The following VRK2 variants were observed in gnomAD, a reference collection of about 807,000 sequenced individuals.
VRK2 encodes the protein VRK serine/threonine kinase 2.
VRK2 carries 60 observed loss-of-function variants against 57.6 expected under a neutral mutation model. That is an observed-to-expected ratio of 1.04 (90% CI 0.85 to 1.29). VRK2 has a LOEUF of 1.29. Ranked by LOEUF, VRK2 falls within the 50% of genes most tolerant of loss-of-function variation. VRK2 has a pLI of 0.00. For missense variants in VRK2, 705 were observed against 588.1 expected, an observed-to-expected ratio of 1.20 and a Z score of -2.06; for synonymous variants, 231 against 199.2, an observed-to-expected ratio of 1.16 and a Z score of -1.35.
Position 58,112,000 on chromosome 2 carries a change from G to A in VRK2, c.544-11101G>A, listed in dbSNP as rs1335432100. Among the ~76,000 whole-genome samples the A allele has an allele frequency of 2.6e-5, 4 of 152,010 alleles. No individual in the cohort carries two copies. In the East Asian group the frequency reaches 7.7e-4, roughly 29 times the overall value. On this transcript the variant is annotated intron_variant, in intron 7 of 12. Coordinates refer to ENST00000340157, the MANE Select transcript of VRK2 (RefSeq NM_006296.7). ...TGTAAAAATTATTCTTAGCTTTAGG[G>A]TGTATAAAAATAGGACCTAGACTGT...
chr2:58,031,030 C>T (rs1241910813), intron 2 of VRK2, among the ~76,000 whole-genome samples: 1 of 152,034 alleles, frequency 6.6e-6, no homozygotes, highest in East Asian at 1.9e-4. Flanking sequence ...TCACTCCCAG[C>T]ATGCACACCT....
At chr2:57,982,208 G>A (rs56878245) in intron 1 of VRK2, among the ~76,000 whole-genome samples, 3,668 of 152,244 alleles carry the variant, frequency 0.024, 147 homozygotes, top group African/African-American at 0.084. Context: ...GCTGGAACCA[G>A]GCCTGCAGCT....
intron 1 of VRK2, among the ~76,000 whole-genome samples, chr2:58,001,992 GATTACAA>G (rs1356075025): frequency 6.6e-6 from 1 of 152,038 alleles, no homozygotes; most frequent in East Asian, 1.9e-4. Context: ...AATTCTGTCA[GATTACAA>G]ATTACAAAGA....
chr2:58,026,536 T>G (rs971982591), intron 2 of VRK2, among the ~76,000 whole-genome samples: 1 of 152,268 alleles, frequency 6.6e-6, no homozygotes, highest in South Asian at 2.1e-4. Context: ...CGTGTCAGTA[T>G]TGGCACGTGT....
At chr2:58,006,236 G>C (rs1673238131) in intron 1 of VRK2, among the ~76,000 whole-genome samples, 1 of 152,206 alleles carries the variant, frequency 6.6e-6, no homozygotes. Flanking sequence ...TATTGGCATA[G>C]AGTCACTGAG....
chr2:58,001,147 G>A (rs1673076933), intron 1 of VRK2, among the ~76,000 whole-genome samples: 1 of 152,154 alleles, frequency 6.6e-6, no homozygotes, highest in African/African-American at 2.4e-5. Flanking sequence ...GACAGTTTTT[G>A]AACTGTAGGA....
chr2:58,048,470 G>A (rs1675204611), intron 1 of VRK2: 3 of 979,488 alleles, frequency 3.1e-6, no homozygotes, highest in African/African-American at 3.5e-5. Context: ...ATATTTCCAT[G>A]TACATGAAAT....
chr2:58,086,364 A>G lies in VRK2; in HGVS notation c.282A>G (p.Gln94=). 6.2e-7 allele frequency: 1 copy of G among 1,606,246 alleles called. No homozygotes were observed. Among genetic ancestry groups the G allele is most frequent in the Admixed American group, 1.7e-5 (1 of 57,962 alleles). Residue 94 remains glutamine (Q), a synonymous_variant, in exon 5 of 13, where the codon CAA becomes CAG. Coordinates refer to ENST00000340157, the MANE Select transcript of VRK2 (RefSeq NM_006296.7). ...DCIKKWIERK[Q]LDYLGIPLFY... is the part of the protein sequence containing the mutation. Reference sequence around the variant, plus strand: ...TCAAAAAGTGGATAGAACGCAAACAACTTGATTATTTAGGAATTCCTCTGT... The same window carrying G: ...TCAAAAAGTGGATAGAACGCAAACAGCTTGATTATTTAGGAATTCCTCTGT...
upstream of VRK2, among the ~76,000 whole-genome samples, chr2:58,045,089 A>G (rs1674639962): frequency 6.6e-6 from 1 of 152,240 alleles, no homozygotes; most frequent in South Asian, 2.1e-4. Context: ...ATTGTGAGTA[A>G]ATTGGAATAA....
intron 1 of VRK2, among the ~76,000 whole-genome samples, chr2:58,048,118 A>G (rs1675140532): frequency 6.6e-6 from 1 of 152,244 alleles, no homozygotes; most frequent in Non-Finnish European, 1.5e-5. Flanking sequence ...TTAGTTGATT[A>G]AAGTTGCATG....
At chr2:58,076,854 CTTTTAAT>C (rs1670187927) in intron 2 of VRK2, among the ~76,000 whole-genome samples, 1 of 151,596 alleles carries the variant, frequency 6.6e-6, no homozygotes, top group Non-Finnish European at 1.5e-5. Flanking sequence ...TATTTTGTAA[CTTTTAAT>C]TTTTAAATTT....
At chr2:58,152,094 A>C (rs902167401) in intron 12 of VRK2, among the ~76,000 whole-genome samples, 7 of 151,876 alleles carry the variant, frequency 4.6e-5, no homozygotes, top group African/African-American at 1.4e-4. Flanking sequence ...AAGTAAAAAG[A>C]AACAGGTAGA....
intron 7 of VRK2, among the ~76,000 whole-genome samples, chr2:58,112,713 A>G (rs1205926209): frequency 6.6e-6 from 1 of 152,178 alleles, no homozygotes; most frequent in Non-Finnish European, 1.5e-5. Context: ...AAGTATATGC[A>G]ATTTTAGAAG....
At chr2:58,022,771 A>T (rs1673800300) in intron 1 of VRK2, among the ~76,000 whole-genome samples, 3 of 152,182 alleles carry the variant, frequency 2.0e-5, no homozygotes, top group Admixed American at 2.0e-4. Flanking sequence ...GCTACTCAGG[A>T]GGCTGAGACT....
intron 12 of VRK2, among the ~76,000 whole-genome samples, chr2:58,151,419 C>G (rs765023345): frequency 1.3e-5 from 2 of 151,718 alleles, no homozygotes; most frequent in African/African-American, 4.8e-5. Context: ...AACATTTATA[C>G]ATTGTATCCA....
chr2:58,045,525 TAAGAA>T (rs1171338293), upstream of VRK2, among the ~76,000 whole-genome samples: 2 of 152,202 alleles, frequency 1.3e-5, no homozygotes, highest in African/African-American at 2.4e-5. Context: ...ATAAATATCT[TAAGAA>T]AATAAGAAAG....
upstream of VRK2, chr2:58,046,741 C>T: frequency 1.0e-6 from 1 of 985,556 alleles, no homozygotes; most frequent in Non-Finnish European, 1.2e-6. Flanking sequence ...TAGGCAGGTC[C>T]TAGGGAGGGC....
At chr2:58,070,093 C>T (rs7423902) in intron 2 of VRK2, among the ~76,000 whole-genome samples, 1,709 of 152,220 alleles carry the variant, frequency 0.011, 35 homozygotes, top group African/African-American at 0.038. Context: ...TTCTTTATTA[C>T]TAACAACTTG....
chr2:57,944,521 C>T (rs904925396), intron 1 of VRK2, among the ~76,000 whole-genome samples: 8 of 152,232 alleles, frequency 5.3e-5, no homozygotes, highest in Admixed American at 3.9e-4. Context: ...CGGATCACGA[C>T]GTCAGGAGAT....
Sources: gnomAD v4.1 joint callset for allele counts (sites outside exome capture counted in the v4.1 genomes callset) on GRCh38, gnomAD v4.1.1 for gene constraint, MANE v1.5 for transcripts, NCBI Gene and HGNC (gene_info 2026-07-23, HGNC 2026-07-21) for gene names.